UBE2G1: variants seen among roughly 807,000 people sequenced by gnomAD.
UBE2G1 encodes the protein ubiquitin conjugating enzyme E2 G1.
Under a neutral mutation model 22.7 loss-of-function variants are expected in UBE2G1, and 5 were observed. That is an observed-to-expected ratio of 0.22 (90% CI 0.12 to 0.46). UBE2G1 has a LOEUF of 0.46. Among genes scored for constraint, UBE2G1 ranks in the 20% least tolerant of loss-of-function variants. UBE2G1 has a pLI of 0.99. For synonymous variants in UBE2G1, 74 were observed against 67.5 expected (o/e 1.10, Z -0.47); for missense variants, 88 against 203.9 (o/e 0.43, Z 3.46).
At chr17:4,295,002 CGGAG>C (rs746009044) in intron 3 of UBE2G1, among the ~76,000 whole-genome samples, 10 of 151,622 alleles carry the variant, frequency 6.6e-5, no homozygotes, top group Admixed American at 1.3e-4. Flanking sequence ...GAAGGAGAGA[CGGAG>C]GGAGGGAGGA....
At chr17:4,296,873 G>C in intron 2 of UBE2G1, 59 bp from the exon 3 acceptor site, 1 of 1,442,968 alleles carries the variant, frequency 6.9e-7, no homozygotes, top group South Asian at 1.2e-5. Context: ...AAGTATAGAA[G>C]TGTTAAAACA....
At chr17:4,353,460 T>TACACAC (rs1210270667) in intron 1 of UBE2G1, among the ~76,000 whole-genome samples, 31 of 133,492 alleles carry the variant, frequency 2.3e-4, no homozygotes, top group African/African-American at 3.8e-4. Context: ...TATATATATA[T>TACACAC]ATACACACAC....
At chr17:4,306,819 T>C (rs1316713306) in intron 2 of UBE2G1, among the ~76,000 whole-genome samples, 2 of 152,070 alleles carry the variant, frequency 1.3e-5, no homozygotes, top group African/African-American at 2.4e-5. Flanking sequence ...ACCCAGCTAA[T>C]TTTTGTATTT....
chr17:4,362,254 G>A (rs748183473), intron 1 of UBE2G1, among the ~76,000 whole-genome samples: 50 of 152,120 alleles, frequency 3.3e-4, no homozygotes, highest in Non-Finnish European at 5.6e-4. Context: ...CTGATTTCAT[G>A]AATCTGTTAG....
intron 1 of UBE2G1, among the ~76,000 whole-genome samples, chr17:4,308,120 G>A (rs992490677): frequency 3.3e-5 from 5 of 152,104 alleles, no homozygotes; most frequent in Admixed American, 1.3e-4. Context: ...TTGGGAGGCC[G>A]AGGCAGGTGG....
rs71144178 is a variant in UBE2G1 at position 4,280,336 on chromosome 17, C to CTTTTTT, written c.*37+2456_*37+2461dup. ...ACAAGTGTGAGCCGCGGCACCTGGG[C>CTTTTTT]TTTTTTTTTTTTTTTTTTTTTTTTT... is the stretch of plus-strand genomic sequence containing the variant. On this transcript the variant is annotated intron_variant, in intron 5 of 5. Transcript: ENST00000396981. Among the ~76,000 whole-genome samples the CTTTTTT allele has an allele frequency of 2.9e-5, 2 of 68,950 alleles. 1 individual carries two copies. The highest frequency in any genetic ancestry group is 1.3e-4 in the African/African-American group (2 of 15,190). 45.2% of individuals were successfully genotyped at this position (68,950 alleles called of 152,430 possible).
chr17:4,341,219 G>T (rs6502780), intron 1 of UBE2G1, among the ~76,000 whole-genome samples: 4 of 151,888 alleles, frequency 2.6e-5, no homozygotes, highest in Non-Finnish European at 4.4e-5. Context: ...TTCAGTCAAC[G>T]CTTACTGGGT....
intron 1 of UBE2G1, among the ~76,000 whole-genome samples, chr17:4,343,398 G>A (rs942199996): frequency 6.6e-6 from 1 of 152,030 alleles, no homozygotes; most frequent in African/African-American, 2.4e-5. Flanking sequence ...CAGCTACAAG[G>A]GAGGCTGAGG....
chr17:4,366,539 G>A lies in UBE2G1; in HGVS notation c.-223C>T. 2.4e-6 allele frequency: 1 copy of A among 418,600 alleles called. No homozygotes were observed. The highest frequency in any genetic ancestry group is 3.8e-5 in the East Asian group (1 of 26,134). 25.9% of individuals were successfully genotyped at this position (418,600 alleles called of 1,614,324 possible). ...CGACTCACGCCCGGAAGGGGAGGGT[G>A]CCCGGGCTGCCGCGGCGCGCACTGG... On this transcript the variant is annotated 5_prime_UTR_variant, in exon 1 of 6. Coordinates refer to ENST00000396981, the MANE Select transcript of UBE2G1 (RefSeq NM_003342.5).
At chr17:4,332,972 A>G (rs1437117459) in intron 1 of UBE2G1, among the ~76,000 whole-genome samples, 1 of 152,206 alleles carries the variant, frequency 6.6e-6, no homozygotes, top group Non-Finnish European at 1.5e-5. Context: ...AGCAAGCTCT[A>G]TAAGAACAAG....
intron 1 of UBE2G1, among the ~76,000 whole-genome samples, chr17:4,347,737 A>G (rs1969796011): frequency 6.6e-6 from 1 of 152,082 alleles, no homozygotes; most frequent in Non-Finnish European, 1.5e-5. Context: ...TCAGCCTCCC[A>G]AAGTGACAGG....
At chr17:4,357,200 C>G (rs982982116) in intron 1 of UBE2G1, among the ~76,000 whole-genome samples, 29 of 152,142 alleles carry the variant, frequency 1.9e-4, no homozygotes, top group African/African-American at 6.8e-4. Flanking sequence ...TGAAATCTCA[C>G]ACTGTCCCTC....
At chr17:4,353,460 T>TACACACACAC (rs1210270667) in intron 1 of UBE2G1, among the ~76,000 whole-genome samples, 15 of 133,492 alleles carry the variant, frequency 1.1e-4, no homozygotes, top group African/African-American at 4.1e-4. Flanking sequence ...TATATATATA[T>TACACACACAC]ATACACACAC....
At position 4,288,206 on chromosome 17, in the gene UBE2G1, G is replaced by A. The variant is rs577622194; in HGVS notation, c.426+1024C>T. Among the ~76,000 whole-genome samples, 13 of 152,254 alleles carry A rather than the reference G, an allele frequency of 8.5e-5. No homozygotes were observed. The South Asian group carries it at 2.7e-3, about 32-fold the overall frequency. On this transcript the variant is annotated intron_variant, in intron 4 of 5. Transcript: ENST00000396981. ...TATAGATGTGAAACTTTTGAAAATT[G>A]AAAACTTGGGGATAATAATATGAAC...
In UBE2G1 at chr17:4,346,381, C is replaced by T. The variant is rs1969772150; in HGVS notation, c.46+19890G>A. 1.3e-5 allele frequency among the ~76,000 whole-genome samples: 2 copies of T among 151,574 alleles called. 1 individual carries two copies. Among genetic ancestry groups the T allele is most frequent in the Non-Finnish European group, 2.9e-5 (2 of 67,950 alleles). ...TACACTTGTTTTGTATGGTCCTTCACAGTAGATGAGTTACTGCAGTCTCAT... is the reference window on the plus strand; with the variant it reads ...TACACTTGTTTTGTATGGTCCTTCATAGTAGATGAGTTACTGCAGTCTCAT... On this transcript the variant is annotated intron_variant, in intron 1 of 5. Coordinates refer to ENST00000396981, the MANE Select transcript of UBE2G1 (RefSeq NM_003342.5).
Position 4,316,300 on chromosome 17 carries a change from T to C in UBE2G1, c.47-9177A>G, listed in dbSNP as rs1042537375. 2.0e-5 allele frequency among the ~76,000 whole-genome samples: 3 copies of C among 150,750 alleles called. No homozygotes were observed. In the Admixed American group the frequency reaches 2.0e-4, roughly 10 times the overall value. ...ATGTCTGTAAAGTAACTATTTTTAC[T>C]GCAGCTTCACTTTGAACTTCTGAGA... On this transcript the variant is annotated intron_variant, in intron 1 of 5. Transcript: ENST00000396981.
chr17:4,279,785 TTATATATATATATATATATATATA>T (rs71144177), intron 5 of UBE2G1, among the ~76,000 whole-genome samples: 2,664 of 68,866 alleles, frequency 0.039, 230 homozygotes, highest in African/African-American at 0.1. Context: ...CAAAAAAAAG[TTATATATATATATATATATATATA>T]TATATATATA....
chr17:4,345,044 T>A (rs1396975059), intron 1 of UBE2G1, among the ~76,000 whole-genome samples: 1 of 152,102 alleles, frequency 6.6e-6, no homozygotes. Context: ...GCTTTGCAAA[T>A]ACATTAATTC....
chr17:4,330,335 T>C (rs767080484), intron 1 of UBE2G1, among the ~76,000 whole-genome samples: 1 of 152,168 alleles, frequency 6.6e-6, no homozygotes, highest in Non-Finnish European at 1.5e-5. Context: ...AATTCAAAGC[T>C]ATCTTCACAT....
Sources: allele counts gnomAD v4.1 joint callset (sites outside exome capture counted in the v4.1 genomes callset), GRCh38; gene constraint gnomAD v4.1.1; transcripts MANE v1.5; gene names NCBI Gene and HGNC (gene_info 2026-07-23, HGNC 2026-07-21).